Variants in CAPZA2 observed in about 807,000 individuals in gnomAD.
CAPZA2 encodes F-actin-capping protein subunit alpha-2.
CAPZA2 carries 13 observed loss-of-function variants against 44.0 expected under a neutral mutation model. The observed-to-expected ratio is 0.30, with a 90% CI of 0.19 to 0.47. CAPZA2 has a LOEUF of 0.47. CAPZA2 is among the 20% of genes least tolerant of loss of function. CAPZA2 has a pLI of 1.00. For synonymous variants in CAPZA2, 94 were observed against 108.2 expected (o/e 0.87, Z 0.81); for missense variants, 244 against 338.6 (o/e 0.72, Z 2.19).
At chr7:116,914,432 T>TACACAC (rs71148345) in intron 8 of CAPZA2, among the ~76,000 whole-genome samples, 5,154 of 145,182 alleles carry the variant, frequency 0.036, 102 homozygotes, top group South Asian at 0.074. Context: ...TATACATACA[T>TACACAC]ACACACACAC....
intron 1 of CAPZA2, among the ~76,000 whole-genome samples, chr7:116,865,145 G>A (rs992614826): frequency 7.0e-6 from 1 of 141,996 alleles, no homozygotes; most frequent in African/African-American, 2.7e-5. Flanking sequence ...TTAGTCCAAC[G>A]TTGATGTTCT....
chr7:116,896,652 A>G (rs1406028035), intron 3 of CAPZA2, among the ~76,000 whole-genome samples: 1 of 152,160 alleles, frequency 6.6e-6, no homozygotes, highest in Non-Finnish European at 1.5e-5. Context: ...ATAAAAATCT[A>G]AATACAGTAA....
At chr7:116,910,021 T>C in intron 6 of CAPZA2, 1 of 530,426 alleles carries the variant, frequency 1.9e-6, no homozygotes, top group South Asian at 2.1e-5. Flanking sequence ...ATTATGTAAG[T>C]TCTTTCTTAT....
intron 1 of CAPZA2, among the ~76,000 whole-genome samples, chr7:116,871,122 G>A (rs1293760718): frequency 6.6e-6 from 1 of 152,192 alleles, no homozygotes; most frequent in South Asian, 2.1e-4. Context: ...AGGACAAAAA[G>A]CTTAGACATG....
chr7:116,919,073 T>A lies in CAPZA2; in HGVS notation c.*1206T>A, dbSNP rs1053002410. 2.7e-5 allele frequency: 4 copies of A among 150,334 alleles called. No homozygotes were observed. Among genetic ancestry groups the A allele is most frequent in the African/African-American group, 9.7e-5 (4 of 41,060 alleles). The allele number at this position is 150,334 out of a possible 1,614,324, so 9.3% of individuals were successfully genotyped here. A position where few individuals can be genotyped will look rare whatever the true frequency, so the allele number is the denominator to read the frequency against. ...TCCCACAGACGTCTGGGCCTGGAAA[T>A]TTTTTTTTTATTTTATTTTATTGTT... On this transcript the variant is annotated 3_prime_UTR_variant, in exon 10 of 10. Coordinates refer to ENST00000361183, the MANE Select transcript of CAPZA2 (RefSeq NM_006136.3).
rs185702555 is a variant in CAPZA2, at chr7:116,887,941, G to A, written c.40-186G>A. 1.3e-3 allele frequency among the ~76,000 whole-genome samples: 191 copies of A among 152,352 alleles called. 1 individual carries two copies. The highest frequency in any genetic ancestry group is 4.3e-3 in the African/African-American group (180 of 41,578). ...TATTTTATCTACATTCAGTCTGTATGTTGTGATTATATTAAATTATTGAAA... is the reference window on the plus strand; with the variant it reads ...TATTTTATCTACATTCAGTCTGTATATTGTGATTATATTAAATTATTGAAA... On this transcript the variant is annotated intron_variant, in intron 1 of 9. Transcript: ENST00000361183.
At chr7:116,913,958 A>G (rs551750372) in intron 8 of CAPZA2, among the ~76,000 whole-genome samples, 1 of 151,454 alleles carries the variant, frequency 6.6e-6, no homozygotes, top group African/African-American at 2.4e-5. Flanking sequence ...TTTGTGTCAT[A>G]TACCTAAAAG....
intron 1 of CAPZA2, among the ~76,000 whole-genome samples, chr7:116,862,922 C>T (rs1584998102): frequency 6.6e-6 from 1 of 151,786 alleles, no homozygotes; most frequent in East Asian, 2.0e-4. Flanking sequence ...CGACGGCGGG[C>T]GGGGGCGCGG....
intron 8 of CAPZA2, among the ~76,000 whole-genome samples, chr7:116,912,481 C>T (rs573464112): frequency 3.9e-5 from 6 of 152,114 alleles, no homozygotes; most frequent in Admixed American, 1.3e-4. Context: ...CTCCATTCTA[C>T]CCAGCCCTTC....
At chr7:116,871,777 A>G (rs923788130) in intron 1 of CAPZA2, among the ~76,000 whole-genome samples, 1 of 152,216 alleles carries the variant, frequency 6.6e-6, no homozygotes, top group Non-Finnish European at 1.5e-5. Context: ...ACCAGTTTTA[A>G]TAAATTTACC....
intron 3 of CAPZA2, among the ~76,000 whole-genome samples, chr7:116,896,066 T>C (rs948636688): frequency 5.9e-5 from 9 of 152,138 alleles, no homozygotes; most frequent in African/African-American, 2.2e-4. Flanking sequence ...TCTTTTTCAC[T>C]TGCACTTTTT....
At chr7:116,873,301 TTTG>T (rs1562956723) in intron 1 of CAPZA2, among the ~76,000 whole-genome samples, 3 of 152,266 alleles carry the variant, frequency 2.0e-5, no homozygotes, top group South Asian at 4.1e-4. Flanking sequence ...GGTTTTGTTT[TTTG>T]TTGTTGTTTT....
In CAPZA2 at chr7:116,906,340, T is replaced by C. The variant is rs148390930; in HGVS notation, c.504T>C (p.Phe168=). 1,615 of 1,610,376 alleles carry C rather than the reference T, an allele frequency of 1.0e-3. 4 individuals carry two copies. In the Middle Eastern group the frequency reaches 0.014, roughly 14 times the overall value. ...GCCATCAGTTCCAAGCAAAAAATTTTTGGTAAGTTAAAATTTTGGATATTG... is the reference window on the plus strand; with the variant it reads ...GCCATCAGTTCCAAGCAAAAAATTTCTGGTAAGTTAAAATTTTGGATATTG... ...IESHQFQAKN[F]WNGRWRSEWK... is the part of the protein sequence containing the mutation. The change falls in exon 6 of 10, where the codon TTT becomes TTC. Residue 168 remains phenylalanine, a splice_region_variant and synonymous_variant. Transcript: ENST00000361183.
chr7:116,878,364 T>C (rs1796647414), intron 1 of CAPZA2, among the ~76,000 whole-genome samples: 1 of 152,234 alleles, frequency 6.6e-6, no homozygotes, highest in Non-Finnish European at 1.5e-5. Context: ...CATTCAGATC[T>C]TAATTCTGGA....
At position 116,904,314 on chromosome 7, in the gene CAPZA2, A is replaced by C; in HGVS notation, c.357A>C (p.Ser119=). ...RPCEVENAVE[S]WRTSVETALR... is the part of the protein sequence containing the mutation. ...GTGAAGTAGAAAATGCAGTTGAATC[A>C]TGGAGAACTTCAGTAGAAACTGCTC... is the stretch of plus-strand genomic sequence containing the variant. Residue 119 remains serine, a synonymous_variant, in exon 5 of 10, where the codon TCA becomes TCC. Coordinates refer to ENST00000361183, the MANE Select transcript of CAPZA2 (RefSeq NM_006136.3). 1.9e-6 allele frequency: 3 copies of C among 1,613,776 alleles called. No homozygotes were observed. Among genetic ancestry groups the C allele is most frequent in the Non-Finnish European group, 2.5e-6 (3 of 1,179,670 alleles).
intron 1 of CAPZA2, among the ~76,000 whole-genome samples, chr7:116,866,321 G>A (rs1380591878): frequency 6.6e-6 from 1 of 151,922 alleles, no homozygotes; most frequent in Non-Finnish European, 1.5e-5. Flanking sequence ...ACAGGCGCCT[G>A]CCACCGCGCC....
At chr7:116,917,191 T>C (rs150882304) in intron 9 of CAPZA2, among the ~76,000 whole-genome samples, 218 of 152,318 alleles carry the variant, frequency 1.4e-3, no homozygotes, top group African/African-American at 4.7e-3. Context: ...TTTATAGTTT[T>C]ATTTCATTAA....
chr7:116,897,240 T>C (rs559875729), intron 3 of CAPZA2, among the ~76,000 whole-genome samples: 1 of 152,280 alleles, frequency 6.6e-6, no homozygotes, highest in East Asian at 1.9e-4. Context: ...AACATACTTT[T>C]GGGATAAATC....
intron 6 of CAPZA2, among the ~76,000 whole-genome samples, chr7:116,907,419 C>T (rs1791532538): frequency 6.6e-6 from 1 of 152,058 alleles, no homozygotes; most frequent in Non-Finnish European, 1.5e-5. Flanking sequence ...ATCTAGAATC[C>T]TGAAACAATA....
Sources: allele counts gnomAD v4.1 joint callset (sites outside exome capture counted in the v4.1 genomes callset), GRCh38; gene constraint gnomAD v4.1.1; transcripts MANE v1.5; gene names NCBI Gene and HGNC (gene_info 2026-07-23, HGNC 2026-07-21).